Variants in MACROD2 observed in about 807,000 individuals in gnomAD.
The protein encoded by MACROD2 is ADP-ribose glycohydrolase MACROD2.
MACROD2 carries 36 observed loss-of-function variants against 70.4 expected under a neutral mutation model. That is an observed-to-expected ratio of 0.51 (90% CI 0.39 to 0.68). The LOEUF is 0.68. Ranked by LOEUF, MACROD2 falls within the 30% of genes least tolerant of loss-of-function variation. The probability of loss-of-function intolerance (pLI) is 0.00; values close to 1 mark genes in which losing one functional copy is unlikely to be tolerated. For synonymous variants in MACROD2, 172 were observed against 178.8 expected (o/e 0.96, Z 0.30); for missense variants, 496 against 538.4 (o/e 0.92, Z 0.78).
chr20:14,047,651 G>A lies in MACROD2; in HGVS notation c.164-37970G>A, dbSNP rs184187896. On this transcript the variant is annotated intron_variant, in intron 2 of 17. Transcript: ENST00000684519. ...AAAATATTTGACAGTAAATTTGTTT[G>A]AAATGGAGGTGGCAGTATTGACAAA... Among the ~76,000 whole-genome samples the A allele has an allele frequency of 2.6e-5, 4 of 152,132 alleles. No homozygotes were observed. In the East Asian group the frequency reaches 7.7e-4, roughly 29 times the overall value.
At chr20:15,103,103 A>C (rs2075885515) in intron 5 of MACROD2, among the ~76,000 whole-genome samples, 1 of 152,162 alleles carries the variant, frequency 6.6e-6, no homozygotes, top group Non-Finnish European at 1.5e-5. Context: ...AGGGATTGTG[A>C]AGGAATACAC....
At chr20:15,726,812 A>G (rs1019442925) in intron 8 of MACROD2, among the ~76,000 whole-genome samples, 5 of 151,920 alleles carry the variant, frequency 3.3e-5, no homozygotes, top group African/African-American at 1.2e-4. Flanking sequence ...TAAATTCCTT[A>G]TACATTCTGG....
At chr20:15,162,256 T>C (rs1288312959) in intron 5 of MACROD2, among the ~76,000 whole-genome samples, 1 of 151,970 alleles carries the variant, frequency 6.6e-6, no homozygotes, top group Non-Finnish European at 1.5e-5. Context: ...AGAGGAGTGG[T>C]AGGAGTGGTA....
At chr20:15,896,604 GA>G (rs2064977283) in intron 10 of MACROD2, among the ~76,000 whole-genome samples, 1 of 147,922 alleles carries the variant, frequency 6.8e-6, no homozygotes, top group South Asian at 2.1e-4. Context: ...CTGGAAATTA[GA>G]ACAAATTTTT....
intron 8 of MACROD2, among the ~76,000 whole-genome samples, chr20:15,744,715 C>T (rs2051155212): frequency 6.6e-6 from 1 of 151,734 alleles, no homozygotes; most frequent in East Asian, 1.9e-4. Context: ...CACACACACA[C>T]ACACACACAC....
At chr20:14,933,482 C>T (rs572593271) in intron 5 of MACROD2, among the ~76,000 whole-genome samples, 1 of 151,894 alleles carries the variant, frequency 6.6e-6, no homozygotes, top group African/African-American at 2.4e-5. Context: ...GAGTTTGAGA[C>T]CAGCCTGGGC....
chr20:15,172,016 C>G (rs79442437), intron 5 of MACROD2, among the ~76,000 whole-genome samples: 1 of 152,146 alleles, frequency 6.6e-6, no homozygotes, highest in African/African-American at 2.4e-5. Flanking sequence ...TTAGAGCTTT[C>G]CAGAAGGGAA....
At chr20:14,693,883 A>T (rs996748294) in intron 5 of MACROD2, among the ~76,000 whole-genome samples, 1 of 152,190 alleles carries the variant, frequency 6.6e-6, no homozygotes, top group African/African-American at 2.4e-5. Context: ...ATACTGTCAG[A>T]TAAGAGAGAT....
At chr20:15,447,135 G>A (rs1327762936) in intron 7 of MACROD2, among the ~76,000 whole-genome samples, 2 of 151,314 alleles carry the variant, frequency 1.3e-5, no homozygotes, top group African/African-American at 4.9e-5. Flanking sequence ...CTCCCTACAG[G>A]CCTCACTCCC....
chr20:15,037,782 A>T (rs967360301), intron 5 of MACROD2, among the ~76,000 whole-genome samples: 1 of 152,172 alleles, frequency 6.6e-6, no homozygotes, highest in African/African-American at 2.4e-5. Context: ...CATCTATAAA[A>T]TGGAAATTTT....
At chr20:15,351,372 A>G (rs917924216) in intron 6 of MACROD2, among the ~76,000 whole-genome samples, 23 of 152,182 alleles carry the variant, frequency 1.5e-4, no homozygotes, top group African/African-American at 5.3e-4. Context: ...CCTTTATTGT[A>G]TTCATTTGTA....
chr20:14,130,077 G>C (rs937944567), intron 3 of MACROD2, among the ~76,000 whole-genome samples: 1 of 152,156 alleles, frequency 6.6e-6, no homozygotes, highest in Non-Finnish European at 1.5e-5. Flanking sequence ...CAATGTCATT[G>C]TGTCTACAAG....
At chr20:15,201,950 G>T (rs1370002900) in intron 5 of MACROD2, among the ~76,000 whole-genome samples, 1 of 152,150 alleles carries the variant, frequency 6.6e-6, no homozygotes, top group East Asian at 1.9e-4. Flanking sequence ...AAGTAAATTG[G>T]CATGTGTATA....
chr20:15,123,773 A>T (rs945742431), intron 5 of MACROD2, among the ~76,000 whole-genome samples: 9 of 152,164 alleles, frequency 5.9e-5, no homozygotes, highest in African/African-American at 1.9e-4. Flanking sequence ...CAACATAAAG[A>T]TTTCTAATCA....
intron 5 of MACROD2, among the ~76,000 whole-genome samples, chr20:15,207,436 G>GTTTTTTTTTTTTTTTT (rs548522491): frequency 1.2e-5 from 1 of 84,588 alleles, no homozygotes; most frequent in Non-Finnish European, 2.1e-5. Context: ...TTTGTTTCTG[G>GTTTTTTTTTTTTTTTT]TTTTTTTTTT....
In MACROD2 at chr20:14,013,463, G is replaced by A. The variant is rs944033533; in HGVS notation, c.163+11059G>A. ...AATTTTTTGTATTTTTAGTAGAGAC[G>A]GGGTTTCACCGTGTTAGCCAGGATG... On this transcript the variant is annotated intron_variant, in intron 2 of 17. Transcript: ENST00000684519. Among the ~76,000 whole-genome samples the A allele has an allele frequency of 3.3e-5, 5 of 151,300 alleles. No homozygotes were observed. In the East Asian group the frequency reaches 5.9e-4, roughly 18 times the overall value.
intron 5 of MACROD2, among the ~76,000 whole-genome samples, chr20:15,034,846 T>G (rs2075301613): frequency 6.6e-6 from 1 of 152,184 alleles, no homozygotes; most frequent in Admixed American, 6.5e-5. Context: ...CTGTCGTCAA[T>G]CTACTTTAAT....
chr20:15,682,015 A>C (rs2050166762), intron 8 of MACROD2, among the ~76,000 whole-genome samples: 2 of 152,192 alleles, frequency 1.3e-5, no homozygotes, highest in African/African-American at 4.8e-5. Context: ...GTCTTTGCAG[A>C]ATTGCATCAT....
chr20:15,704,789 C>G (rs1176071232), intron 8 of MACROD2, among the ~76,000 whole-genome samples: 1 of 152,230 alleles, frequency 6.6e-6, no homozygotes, highest in Non-Finnish European at 1.5e-5. Context: ...TGGCTGTGTT[C>G]AATCAGTAGT....
Sources: gnomAD v4.1 joint callset for allele counts (sites outside exome capture counted in the v4.1 genomes callset) on GRCh38, gnomAD v4.1.1 for gene constraint, MANE v1.5 for transcripts, NCBI Gene and HGNC (gene_info 2026-07-23, HGNC 2026-07-21) for gene names.